Variants in TBC1D5 observed in about 807,000 individuals in gnomAD.
TBC1D5 encodes TBC1 domain family member 5.
Under a neutral mutation model 100.3 loss-of-function variants are expected in TBC1D5, and 75 were observed. That is an observed-to-expected ratio of 0.75 (90% CI 0.62 to 0.91). The LOEUF is 0.91. TBC1D5 is among the 40% of genes least tolerant of loss of function. TBC1D5 has a pLI of 0.00. For synonymous variants in TBC1D5, 323 were observed against 325.6 expected (o/e 0.99, Z 0.09); for missense variants, 910 against 942.4 (o/e 0.97, Z 0.45).
At chr3:17,394,380 C>A (rs2152351212) in intron 8 of TBC1D5, among the ~76,000 whole-genome samples, 1 of 152,086 alleles carries the variant, frequency 6.6e-6, no homozygotes, top group African/African-American at 2.4e-5. Flanking sequence ...ACAGAAGTCC[C>A]AGGTACCATT....
intron 3 of TBC1D5, among the ~76,000 whole-genome samples, chr3:17,460,278 C>A (rs2095177466): frequency 6.6e-6 from 1 of 152,104 alleles, no homozygotes; most frequent in Non-Finnish European, 1.5e-5. Context: ...AAGGAAAATG[C>A]CAAATTAGAG....
rs1474319164 is a variant in TBC1D5, at chr3:17,508,460, C to A, written c.97+14G>T. The A allele has an allele frequency of 1.3e-6, 2 of 1,598,642 alleles. No individual in the cohort carries two copies. Among genetic ancestry groups the A allele is most frequent in the Non-Finnish European group, 8.6e-7 (1 of 1,166,744 alleles). ...GTACACTACCTACAAATAGTATTGG[C>A]ATACAAAACTCACCTCCAGACTTGT... On this transcript the variant is annotated intron_variant, in intron 3 of 21. Transcript: ENST00000253692.
chr3:17,428,281 AAC>A (rs946023437), intron 4 of TBC1D5, among the ~76,000 whole-genome samples, 167 bp downstream of exon 4: 16 of 151,504 alleles, frequency 1.1e-4, no homozygotes, highest in African/African-American at 3.6e-4. Context: ...AAAATAACAT[AAC>A]ACAATATTGT....
At chr3:17,195,760 T>C (rs958036092) in intron 18 of TBC1D5, among the ~76,000 whole-genome samples, 12 of 151,676 alleles carry the variant, frequency 7.9e-5, no homozygotes, top group African/African-American at 1.9e-4. Flanking sequence ...CTTTCTTTTT[T>C]TTTTTTTTTT....
At chr3:17,378,828 AT>A (rs1490751298) in intron 9 of TBC1D5, among the ~76,000 whole-genome samples, 1 of 151,604 alleles carries the variant, frequency 6.6e-6, no homozygotes, top group Non-Finnish European at 1.5e-5. Context: ...TGCCATGAAA[AT>A]AAGTATGTTT....
intron 13 of TBC1D5, among the ~76,000 whole-genome samples, chr3:17,346,225 G>T (rs2089851549): frequency 6.6e-6 from 1 of 152,128 alleles, no homozygotes; most frequent in Admixed American, 6.5e-5. Context: ...GAAACAAACT[G>T]TGAAATTGAT....
At chr3:17,400,991 G>A (rs1456466985) in intron 8 of TBC1D5, among the ~76,000 whole-genome samples, 1 of 152,008 alleles carries the variant, frequency 6.6e-6, no homozygotes, top group East Asian at 1.9e-4. Flanking sequence ...CTTGCAGATG[G>A]CCTATTGTGG....
chr3:17,599,809 C>T (rs891896534), intron 2 of TBC1D5, among the ~76,000 whole-genome samples: 1 of 152,134 alleles, frequency 6.6e-6, no homozygotes, highest in African/African-American at 2.4e-5. Flanking sequence ...CAAGCCACAC[C>T]CCTGTCTAAA....
At chr3:17,642,433 T>C (rs1386429984) in intron 1 of TBC1D5, among the ~76,000 whole-genome samples, 3 of 152,152 alleles carry the variant, frequency 2.0e-5, no homozygotes, top group Admixed American at 6.6e-5. Flanking sequence ...GAAAGACAAA[T>C]TGATTTGCTC....
chr3:17,250,883 CTTG>C (rs1463233376), intron 16 of TBC1D5, among the ~76,000 whole-genome samples: 3 of 152,112 alleles, frequency 2.0e-5, no homozygotes, highest in South Asian at 4.1e-4. Context: ...CAATGTTTGT[CTTG>C]TTGGCACTAA....
intron 12 of TBC1D5, among the ~76,000 whole-genome samples, chr3:17,374,043 ATAAG>A (rs941515084): frequency 3.9e-5 from 6 of 152,134 alleles, no homozygotes; most frequent in Non-Finnish European, 7.4e-5. Flanking sequence ...AAAAATATGA[ATAAG>A]AGGAAGAGTA....
At chr3:17,641,781 G>A (rs1226722534) in intron 1 of TBC1D5, among the ~76,000 whole-genome samples, 1 of 151,716 alleles carries the variant, frequency 6.6e-6, no homozygotes, top group Non-Finnish European at 1.5e-5. Context: ...TTTGTTTCCT[G>A]CAAAAATGCA....
intron 2 of TBC1D5, among the ~76,000 whole-genome samples, chr3:17,574,684 C>A (rs183687646): frequency 6.6e-6 from 1 of 152,054 alleles, no homozygotes; most frequent in African/African-American, 2.4e-5. Context: ...TCTATCTCCG[C>A]AAGTATAAGA....
At chr3:17,277,232 GA>G (rs1315539669) in intron 15 of TBC1D5, among the ~76,000 whole-genome samples, 1 of 152,078 alleles carries the variant, frequency 6.6e-6, no homozygotes. Context: ...ATTCTCAAAA[GA>G]AAATATGAAA....
intron 19 of TBC1D5, among the ~76,000 whole-genome samples, chr3:17,182,110 T>C (rs928098546): frequency 1.3e-5 from 2 of 152,230 alleles, no homozygotes; most frequent in African/African-American, 2.4e-5. Flanking sequence ...TCCTTGAATC[T>C]TTGCTTAGAA....
chr3:17,647,455 A>G (rs2065114739), intron 1 of TBC1D5, among the ~76,000 whole-genome samples: 1 of 151,676 alleles, frequency 6.6e-6, no homozygotes, highest in Middle Eastern at 3.4e-3. Flanking sequence ...ATGATTTTAT[A>G]TAAGGTGCTC....
At chr3:17,161,366 C>T (rs530091091) in intron 21 of TBC1D5, 110 bp from the exon 23 acceptor site, 1 of 1,250,476 alleles carries the variant, frequency 8.0e-7, no homozygotes, top group Admixed American at 2.4e-5. Context: ...GGCCACCTCA[C>T]CCTACATTCG....
chr3:17,421,418 G>A (rs1250340947), intron 4 of TBC1D5, among the ~76,000 whole-genome samples: 1 of 152,086 alleles, frequency 6.6e-6, no homozygotes, highest in Non-Finnish European at 1.5e-5. Context: ...AATATAAGAA[G>A]CGATTATATA....
At chr3:17,274,805 T>C (rs573862219) in intron 15 of TBC1D5, among the ~76,000 whole-genome samples, 1 of 152,140 alleles carries the variant, frequency 6.6e-6, no homozygotes, top group African/African-American at 2.4e-5. Context: ...AATAAGAACC[T>C]CAAGAAAAGT....
Sources: allele counts gnomAD v4.1 joint callset (sites outside exome capture counted in the v4.1 genomes callset), GRCh38; gene constraint gnomAD v4.1.1; transcripts MANE v1.5; gene names NCBI Gene and HGNC (gene_info 2026-07-23, HGNC 2026-07-21).